Variants in TPM4 observed in about 807,000 individuals in gnomAD.
TPM4 encodes tropomyosin 4.
TPM4 carries 17 observed loss-of-function variants against 35.8 expected under a neutral mutation model. That is an observed-to-expected ratio of 0.47 (90% CI 0.32 to 0.71). TPM4 has a LOEUF of 0.71. Among genes scored for constraint, TPM4 ranks in the 30% least tolerant of loss-of-function variants. The pLI, the probability that TPM4 is intolerant of heterozygous loss-of-function variation, is 0.03. For missense variants in TPM4, 240 were observed against 320.9 expected, an observed-to-expected ratio of 0.75 and a Z score of 1.93; for synonymous variants, 120 against 122.9, an observed-to-expected ratio of 0.98 and a Z score of 0.15.
chr19:16,068,596 CGT>C (rs780372768), intron 2 of TPM4, among the ~76,000 whole-genome samples: 3 of 151,908 alleles, frequency 2.0e-5, no homozygotes, highest in Non-Finnish European at 4.4e-5. Flanking sequence ...TATGTTTGAG[CGT>C]GTGTCTGTGT....
chr19:16,071,918 T>G (rs886618442), upstream of TPM4, among the ~76,000 whole-genome samples: 1 of 152,156 alleles, frequency 6.6e-6, no homozygotes, highest in African/African-American at 2.4e-5. Context: ...ACTAAGGTAA[T>G]CCTATGACAG....
chr19:16,095,651 C>T, intron 7 of TPM4: 1 of 960,790 alleles, frequency 1.0e-6, no homozygotes, highest in Non-Finnish European at 1.2e-6. Context: ...GAAAATTATG[C>T]CTACAGGATG....
intron 5 of TPM4, among the ~76,000 whole-genome samples, chr19:16,092,508 A>G (rs2090640469): frequency 6.6e-6 from 1 of 150,792 alleles, no homozygotes; most frequent in South Asian, 2.1e-4. Flanking sequence ...TGCTGGGGAA[A>G]GGTGCCTGCC....
intron 7 of TPM4, among the ~76,000 whole-genome samples, chr19:16,099,078 G>T (rs146650455): frequency 6.7e-6 from 1 of 150,308 alleles, no homozygotes; most frequent in Admixed American, 6.7e-5. Context: ...CTCTGTGTGT[G>T]TGTGTGTGTG....
intron 7 of TPM4, among the ~76,000 whole-genome samples, chr19:16,098,887 C>A (rs1168142189): frequency 6.6e-6 from 1 of 152,254 alleles, no homozygotes; most frequent in South Asian, 2.1e-4. Context: ...CCAACGTGAA[C>A]AAGCTGCTTA....
At chr19:16,080,981 C>G (rs990113979) in intron 1 of TPM4, 3 of 398,414 alleles carry the variant, frequency 7.5e-6, no homozygotes, top group Admixed American at 4.4e-5. Flanking sequence ...ACCAAGTTTT[C>G]TTTCCCTTTC....
chr19:16,069,633 AGTGT>A (rs200238353), intron 2 of TPM4, among the ~76,000 whole-genome samples: 1 of 62,426 alleles, frequency 1.6e-5, no homozygotes, highest in Non-Finnish European at 3.7e-5. Context: ...TGTGTGGGTG[AGTGT>A]GTGTTTCTGT....
rs769056915 is a variant in TPM4, at chr19:16,089,064, G to A, written c.475G>A (p.Glu159Lys). 3 of 1,614,190 alleles carry A rather than the reference G, an allele frequency of 1.9e-6. No homozygotes were observed. Among genetic ancestry groups the A allele is most frequent in the Non-Finnish European group, 2.5e-6 (3 of 1,180,012 alleles). Residue 159 changes from glutamate (E) to lysine (K), a missense_variant, in exon 5 of 8, where the codon GAA (glutamate) becomes AAA (lysine). By Grantham distance (56) the Glu-to-Lys change is moderately conservative. Coordinates refer to ENST00000643579, the MANE Select transcript of TPM4 (RefSeq NM_003290.3). ...GTGCAGAAAATGTGGTGACCTGGAA[G>A]AAGAACTCAAGAATGTTACTAACAA... ...VSELKCGDLE[E>K]ELKNVTNNLK...
intron 5 of TPM4, among the ~76,000 whole-genome samples, chr19:16,089,425 C>T (rs2090598682): frequency 6.6e-6 from 1 of 152,218 alleles, no homozygotes; most frequent in Non-Finnish European, 1.5e-5. Flanking sequence ...GCCTGCCTCT[C>T]ACCTGATTCC....
rs537241639 is a variant in TPM4 at position 16,085,644 on chromosome 19, C to A, written c.267-779C>A. Among the ~76,000 whole-genome samples the A allele has an allele frequency of 2.9e-4, 44 of 152,294 alleles. 1 individual carries two copies. Among genetic ancestry groups the A allele is most frequent in the African/African-American group, 1.1e-3 (44 of 41,556 alleles). ...GGCTGAGCCTCAGCTCTACCACTTACCAGCTCTGTAACCTTAAGTTACTTA... is the reference window on the plus strand; with the variant it reads ...GGCTGAGCCTCAGCTCTACCACTTAACAGCTCTGTAACCTTAAGTTACTTA... On this transcript the variant is annotated intron_variant, in intron 2 of 7. Transcript: ENST00000643579.
At chr19:16,096,936 C>CTTTTTTTCTTTTTTTTTTT (rs2090705707) in intron 7 of TPM4, among the ~76,000 whole-genome samples, 6 of 69,054 alleles carry the variant, frequency 8.7e-5, no homozygotes, top group African/African-American at 3.3e-4. Context: ...CAAGGTCACT[C>CTTTTTTTCTTTTTTTTTTT]TTTTTTTTTT....
upstream of TPM4, among the ~76,000 whole-genome samples, chr19:16,072,935 C>T (rs73003784): frequency 0.3 from 45,754 of 151,982 alleles, 7,692 homozygotes; most frequent in Middle Eastern, 0.41. Context: ...AATTGTAACA[C>T]GCCCAACACA....
rs552359595 is a variant in TPM4 at position 16,095,703 on chromosome 19, C to T, written c.664+1950C>T. ...AAAACAAAAGCAAACTGGGCATGTG[C>T]TCTCAGATACCGCTGTTAGCTAACG... is the stretch of plus-strand genomic sequence containing the variant. On this transcript the variant is annotated intron_variant, in intron 7 of 7. Transcript: ENST00000643579. 3.6e-4 allele frequency: 196 copies of T among 543,086 alleles called. No individual in the cohort carries two copies. The African/African-American group carries it at 3.9e-3, about 11-fold the overall frequency. 33.6% of individuals were successfully genotyped at this position (543,086 alleles called of 1,614,324 possible). A position where few individuals can be genotyped will look rare whatever the true frequency, so the allele number is the denominator to read the frequency against.
Position 16,090,756 on chromosome 19 carries a change from A to G in TPM4, c.531+1636A>G, listed in dbSNP as rs577656718. Among the ~76,000 whole-genome samples, 125 of 151,340 alleles carry G rather than the reference A, an allele frequency of 8.3e-4. 1 individual carries two copies. The highest frequency in any genetic ancestry group is 2.9e-3 in the African/African-American group (119 of 41,160). On this transcript the variant is annotated intron_variant, in intron 5 of 7. Transcript: ENST00000643579. ...AAGTTGTAAGGACAGGAACCATGTC[A>G]TCTTGTTCAGAGTTGTGTCCCTAGT...
upstream of TPM4, chr19:16,075,223 G>A (rs1174007168): frequency 1.3e-5 from 2 of 152,334 alleles, no homozygotes; most frequent in African/African-American, 2.4e-5. Context: ...GTGGTGGGGG[G>A]TGACAAAGAG....
chr19:16,097,393 G>T (rs565662557), intron 7 of TPM4, among the ~76,000 whole-genome samples: 1 of 151,988 alleles, frequency 6.6e-6, no homozygotes, highest in African/African-American at 2.4e-5. Flanking sequence ...TCCTGCCTCA[G>T]CCTCCCAAGT....
At chr19:16,083,273 G>A (rs1003674099) in intron 2 of TPM4, among the ~76,000 whole-genome samples, 6 of 152,182 alleles carry the variant, frequency 3.9e-5, no homozygotes, top group South Asian at 2.1e-4. Context: ...GTGAAACCCC[G>A]TCTCTATTAA....
rs2090347693 is a variant in TPM4 at position 16,070,643 on chromosome 19, A to G, written c.114+2905A>G. 6.6e-6 allele frequency among the ~76,000 whole-genome samples: 1 copy of G among 152,190 alleles called. No homozygotes were observed. Among genetic ancestry groups the G allele is most frequent in the Non-Finnish European group, 1.5e-5 (1 of 68,018 alleles). ...CCTTGCCACCCCATGACAGGATTAG[A>G]GGTGACTGTACAGGTGGAACCCTTG... On this transcript the variant is annotated intron_variant, in intron 2 of 2. Coordinates refer to the TPM4 transcript ENST00000589897. This position sits in a 1 kb window ranked among gnomAD's most constrained non-coding sequence, Gnocchi z 7.4.
intron 2 of TPM4, among the ~76,000 whole-genome samples, chr19:16,082,872 C>T (rs1328597258): frequency 6.6e-6 from 1 of 151,436 alleles, no homozygotes; most frequent in African/African-American, 2.4e-5. Context: ...CACGCCTGTA[C>T]TCCTGGCTAC....
Sources: gnomAD v4.1 joint callset for allele counts (sites outside exome capture counted in the v4.1 genomes callset) on GRCh38, gnomAD v4.1.1 for gene constraint, Gnocchi (gnomAD v3.1) non-coding constraint, MANE v1.5 for transcripts, NCBI Gene and HGNC (gene_info 2026-07-23, HGNC 2026-07-21) for gene names.